ADPRHL1: variants seen among roughly 807,000 people sequenced by gnomAD.
ADPRHL1 encodes the protein inactive ADP-ribosyltransferase ARH2.
Under a neutral mutation model 44.1 loss-of-function variants are expected in ADPRHL1, and 43 were observed. That is an observed-to-expected ratio of 0.98 (90% CI 0.76 to 1.26). ADPRHL1 has a LOEUF of 1.26. Among genes scored for constraint, ADPRHL1 ranks in the 50% most tolerant of loss-of-function variants. ADPRHL1 has a pLI of 0.00. For synonymous variants in ADPRHL1, 878 were observed against 1,017.4 expected (o/e 0.86, Z 2.61); for missense variants, 2,022 against 2,496.9 (o/e 0.81, Z 4.05).
chr13:113,440,925 G>A (rs544256183), intron 2 of ADPRHL1, among the ~76,000 whole-genome samples: 89 of 152,172 alleles, frequency 5.8e-4, no homozygotes, highest in Admixed American at 1.7e-3. Context: ...GGCCAAGGTG[G>A]GCGGATCACT....
At chr13:113,449,953 T>C (rs1351467839) in intron 1 of ADPRHL1, among the ~76,000 whole-genome samples, 2 of 152,224 alleles carry the variant, frequency 1.3e-5, no homozygotes, top group African/African-American at 4.8e-5. Flanking sequence ...CCTCTCTGTA[T>C]GTCAATTTTT....
Position 113,404,986 on chromosome 13 carries a change from A to G in ADPRHL1, c.4296T>C (p.Val1432=). The change falls in exon 8 of 8, where the codon GTT becomes GTC. Residue 1432 remains valine, a synonymous_variant. Transcript: ENST00000612156. ...LAGDKGMAIG[V]GGACQRSDQG... is the part of the protein sequence containing the mutation. ...GGTCACTGCGCTGGCAGGCGCCCCC[A>G]ACCCCAATGGCCATCCCTTTGTCCC... is the stretch of plus-strand genomic sequence containing the variant. 8.1e-7 allele frequency: 1 copy of G among 1,234,754 alleles called. No homozygotes were observed. 76.5% of individuals were successfully genotyped at this position (1,234,754 alleles called of 1,614,324 possible). A position where few individuals can be genotyped will look rare whatever the true frequency, so the allele number is the denominator to read the frequency against.
Position 113,422,844 on chromosome 13 carries a change from C to G in ADPRHL1, c.1043G>C (p.Arg348Pro). Residue 348 changes from arginine to proline, a missense_variant, in exon 7 of 8, where the codon CGC becomes CCC. Coordinates refer to ENST00000612156, the MANE Select transcript of ADPRHL1 (RefSeq NM_001394807.1). ...GCTTTACTTCTCCTCTGTGGACAGG[C>G]GGTAGAGAGCCGCGCCCAGGTCCTC... ...KLEDLGAALYRLSTEENRKSS... is the reference protein window; with the variant it reads ...KLEDLGAALYPLSTEENRKSS... 6.2e-7 allele frequency: 1 copy of G among 1,612,892 alleles called. No individual in the cohort carries two copies.
Position 113,404,255 on chromosome 13 carries a change from G to A in ADPRHL1, c.5027C>T (p.Ala1676Val). The A allele has an allele frequency of 7.6e-7, 1 of 1,309,572 alleles. No individual in the cohort carries two copies. Among genetic ancestry groups the A allele is most frequent in the South Asian group, 2.4e-5 (1 of 41,716 alleles). The allele number at this position is 1,309,572 out of a possible 1,614,324, so 81.1% of individuals were successfully genotyped here. A position where few individuals can be genotyped will look rare whatever the true frequency, so the allele number is the denominator to read the frequency against. ...AGCCCCTTTCTGGGCCTGTTCCCGA[G>A]CCCGTTCCTGAGCCCCCTTCTGGGC... is the stretch of plus-strand genomic sequence containing the variant. ...GQAQKGAQERAREQAQKGAQE... is the reference protein window; with the variant it reads ...GQAQKGAQERVREQAQKGAQE... The change falls in exon 8 of 8, where the codon GCT becomes GTT. Residue 1676 changes from alanine (A) to valine (V), a missense_variant. Coordinates refer to ENST00000612156, the MANE Select transcript of ADPRHL1 (RefSeq NM_001394807.1).
intron 1 of ADPRHL1, among the ~76,000 whole-genome samples, chr13:113,450,919 C>T (rs571677678): frequency 5.4e-4 from 82 of 151,494 alleles, no homozygotes; most frequent in Non-Finnish European, 1.1e-3. Flanking sequence ...GGTGGAAGAG[C>T]AGTCTTCTCT....
At chr13:113,424,795 C>T (rs371790900) in intron 5 of ADPRHL1, among the ~76,000 whole-genome samples, 1 of 44,714 alleles carries the variant, frequency 2.2e-5, no homozygotes, top group Non-Finnish European at 4.1e-5. Context: ...CATCCATATA[C>T]CCACCCACCC....
chr13:113,417,104 C>A (rs1352735363), intron 7 of ADPRHL1, among the ~76,000 whole-genome samples: 1 of 152,254 alleles, frequency 6.6e-6, no homozygotes, highest in Non-Finnish European at 1.5e-5. Flanking sequence ...CGTGACAGCA[C>A]AGACGGCTGC....
chr13:113,429,006 G>A lies in ADPRHL1; in HGVS notation c.592C>T (p.Arg198Trp), dbSNP rs375108772. The A allele has an allele frequency of 1.3e-4, 202 of 1,612,702 alleles. No homozygotes were observed. The highest frequency in any genetic ancestry group is 1.6e-4 in the Non-Finnish European group (190 of 1,180,020). The change falls in exon 4 of 8, where the codon CGG becomes TGG. Residue 198 changes from arginine to tryptophan, a missense_variant. Physicochemically the swap from Arg to Trp is moderately radical, Grantham distance 101. This residue lies in a region of ADPRHL1 where 437 missense variants were observed against 430.7 expected (regional missense o/e 1.01). Transcript: ENST00000612156. ...TACTCTTCTGCCAGAGGCACCGCCC[G>A]CAGCATGTCTCTCCCCCACTGGACC... The part of the protein sequence containing the change: ...PLVQWGRDML[R>W]AVPLAEEYCR...
At chr13:113,438,695 C>CT (rs935687456) in intron 2 of ADPRHL1, among the ~76,000 whole-genome samples, 1 of 152,074 alleles carries the variant, frequency 6.6e-6, no homozygotes, top group African/African-American at 2.4e-5. Flanking sequence ...AAAAAAATTT[C>CT]TTTTTTATAA....
rs2043946917 is a variant in ADPRHL1, at chr13:113,424,252, C to T, written c.872G>A (p.Trp291Ter). The T allele has an allele frequency of 6.2e-7, 1 of 1,612,816 alleles. No individual in the cohort carries two copies. The highest frequency in any genetic ancestry group is 1.7e-5 in the Admixed American group (1 of 59,990). The change falls in exon 6 of 8, where the codon TGG (tryptophan) becomes TAG (stop). Residue 291 changes from tryptophan to a stop codon, truncating the protein, a stop_gained. Coordinates refer to ENST00000612156, the MANE Select transcript of ADPRHL1 (RefSeq NM_001394807.1). LOFTEE classifies it high-confidence loss of function. ...YDALLAAGNS[W>*]TELCHRAMFH... is the part of the protein sequence containing the mutation. ...CATGGCCCGGTGACACAGCTCAGTC[C>T]AGCTGTTTCCTGCTGCAAGGAGGGC...
chr13:113,450,952 AC>A (rs59128545), intron 1 of ADPRHL1, among the ~76,000 whole-genome samples: 3,253 of 127,170 alleles, frequency 0.026, 83 homozygotes, highest in African/African-American at 0.064. Flanking sequence ...GGAAAGGGAG[AC>A]CCCCCCCCCC....
chr13:113,403,452 C>T lies in ADPRHL1; in HGVS notation c.5830G>A (p.Asp1944Asn). ...LAKYKAQSFR[D>N]QRAFDLSFRP... Reference sequence around the variant, plus strand: ...AAGGACAAATCGAAGGCCCTCTGGTCACGGAAGCTCTGGGCTTTGTACTTG... The same window carrying T: ...AAGGACAAATCGAAGGCCCTCTGGTTACGGAAGCTCTGGGCTTTGTACTTG... Residue 1944 changes from aspartate to asparagine, a missense_variant, in exon 8 of 8, where the codon GAC (aspartate) becomes AAC (asparagine). Coordinates refer to ENST00000612156, the MANE Select transcript of ADPRHL1 (RefSeq NM_001394807.1). The T allele has an allele frequency of 8.1e-7, 1 of 1,232,092 alleles. No individual in the cohort carries two copies. The highest frequency in any genetic ancestry group is 1.0e-6 in the Non-Finnish European group (1 of 988,006). 76.3% of individuals were successfully genotyped at this position (1,232,092 alleles called of 1,614,324 possible).
intron 7 of ADPRHL1, among the ~76,000 whole-genome samples, chr13:113,421,316 C>T (rs2043920069): frequency 1.8e-5 from 2 of 113,174 alleles, no homozygotes; most frequent in Admixed American, 8.2e-5. Flanking sequence ...GGGACACGCC[C>T]ACCCCGGGAC....
chr13:113,439,606 T>C (rs548058639), intron 2 of ADPRHL1, among the ~76,000 whole-genome samples: 1 of 151,920 alleles, frequency 6.6e-6, no homozygotes, highest in South Asian at 2.1e-4. Context: ...CACCACCATG[T>C]CTGGCTAATT....
At chr13:113,419,715 T>C (rs2043906140) in intron 7 of ADPRHL1, among the ~76,000 whole-genome samples, 2 of 152,132 alleles carry the variant, frequency 1.3e-5, no homozygotes, top group Non-Finnish European at 2.9e-5. Flanking sequence ...TACAATGGAA[T>C]ACTAGGCAGC....
intron 5 of ADPRHL1, 51 bp downstream of exon 5, chr13:113,425,001 T>G: frequency 3.1e-6 from 5 of 1,607,058 alleles, no homozygotes; most frequent in South Asian, 1.1e-5. Flanking sequence ...ATGCACTTAT[T>G]GAGCACCACT....
Position 113,405,010 on chromosome 13 carries a change from C to T in ADPRHL1, c.4272G>A (p.Gly1424=). ...PQTWWAQDLA[G]DKGMAIGVGG... is the part of the protein sequence containing the mutation. Reference sequence around the variant, plus strand: ...CAACCCCAATGGCCATCCCTTTGTCCCCGGCCAGATCCTGTGCCCACCATG... The same window carrying T: ...CAACCCCAATGGCCATCCCTTTGTCTCCGGCCAGATCCTGTGCCCACCATG... Residue 1424 remains glycine (G), a synonymous_variant, in exon 8 of 8, where the codon GGG becomes GGA. Transcript: ENST00000612156. The T allele has an allele frequency of 8.1e-7, 1 of 1,233,974 alleles. No individual in the cohort carries two copies. Among genetic ancestry groups the T allele is most frequent in the Non-Finnish European group, 1.0e-6 (1 of 989,512 alleles). 76.4% of individuals were successfully genotyped at this position (1,233,974 alleles called of 1,614,324 possible).
chr13:113,442,495 T>G (rs530040935), intron 2 of ADPRHL1, among the ~76,000 whole-genome samples: 1 of 152,158 alleles, frequency 6.6e-6, no homozygotes, highest in South Asian at 2.1e-4. Context: ...AAGTGTTGTA[T>G]TTTTTTCAGT....
At chr13:113,450,602 G>A (rs1470450110) in intron 1 of ADPRHL1, among the ~76,000 whole-genome samples, 1 of 152,198 alleles carries the variant, frequency 6.6e-6, no homozygotes, top group Non-Finnish European at 1.5e-5. Flanking sequence ...TGGTAGGTAA[G>A]GTCATGTGGG....
Sources: allele counts gnomAD v4.1 joint callset (sites outside exome capture counted in the v4.1 genomes callset), GRCh38; gene constraint gnomAD v4.1.1; regional missense constraint gnomAD v4.1.1; transcripts MANE v1.5; gene names NCBI Gene and HGNC (gene_info 2026-07-23, HGNC 2026-07-21).